Variants in CAPN3 observed in about 807,000 individuals in gnomAD.
CAPN3 encodes the protein calpain 3.
A neutral mutation model predicts 114.0 loss-of-function variants in CAPN3; 88 were observed. The observed-to-expected ratio is 0.77, with a 90% CI of 0.65 to 0.92. CAPN3 has a LOEUF of 0.92. Ranked by LOEUF, CAPN3 falls within the 40% of genes least tolerant of loss-of-function variation. The pLI is 0.00. For synonymous variants in CAPN3, 386 were observed against 382.9 expected (o/e 1.01, Z -0.09); for missense variants, 1,028 against 1,069.0 (o/e 0.96, Z 0.53).
chr15:42,406,479 G>A (rs1406716430), intron 15 of CAPN3, among the ~76,000 whole-genome samples: 2 of 152,088 alleles, frequency 1.3e-5, no homozygotes, highest in East Asian at 3.9e-4. Context: ...CACATTCCAG[G>A]CACTGTGCTT....
At chr15:42,372,916 C>T (rs28745870) in intron 1 of CAPN3, among the ~76,000 whole-genome samples, 225 of 152,112 alleles carry the variant, frequency 1.5e-3, no homozygotes, top group Middle Eastern at 6.8e-3. Flanking sequence ...CGACCAGCCA[C>T]GGTGGCTCAC....
At chr15:42,402,206 G>T (rs1029729939) in intron 12 of CAPN3, 71 bp downstream of exon 12, 3 of 1,610,286 alleles carry the variant, frequency 1.9e-6, no homozygotes, top group Non-Finnish European at 2.5e-6. Flanking sequence ...TCTGTGGCTC[G>T]TCGAGAAGCT....
At chr15:42,370,255 T>C (rs1370880896) in intron 1 of CAPN3, among the ~76,000 whole-genome samples, 1 of 152,196 alleles carries the variant, frequency 6.6e-6, no homozygotes, top group Admixed American at 6.5e-5. Context: ...TGTGCCCCAC[T>C]GCCTCTAAAA....
rs1285759505 is a variant in CAPN3, at chr15:42,394,170, C to T, written c.1030-86C>T. The T allele has an allele frequency of 7.9e-6, 10 of 1,269,732 alleles. No homozygotes were observed. In the East Asian group the frequency reaches 2.5e-4, roughly 32 times the overall value. The allele number at this position is 1,269,732 out of a possible 1,614,324, so 78.7% of individuals were successfully genotyped here. ...CACCCTCGCGTAAGAGATTTGCCCC[C>T]CAGCCCCGTCCCAGCCCTCAGCAAG... On this transcript the variant is annotated intron_variant, in intron 7 of 23. Transcript: ENST00000397163.
Position 42,390,932 on chromosome 15 carries a change from C to T in CAPN3, c.945+836C>T, listed in dbSNP as rs28364431. Among the ~76,000 whole-genome samples the T allele has an allele frequency of 8.3e-4, 126 of 151,562 alleles. 2 individuals carry two copies. The East Asian group carries it at 0.023, about 27-fold the overall frequency. ...CAGCCTCCCGACATAGCTGGGATTA[C>T]AGGCACACACCACCACACATGGCTA... On this transcript the variant is annotated intron_variant, in intron 6 of 23. Transcript: ENST00000397163.
At chr15:42,373,338 A>G (rs2053004644) in intron 1 of CAPN3, among the ~76,000 whole-genome samples, 1 of 152,236 alleles carries the variant, frequency 6.6e-6, no homozygotes, top group Non-Finnish European at 1.5e-5. Flanking sequence ...CTGTATTTTC[A>G]ACTGGCAGAC....
rs114810264 is a variant in CAPN3, at chr15:42,368,276, A to G, written c.309+8162A>G. On this transcript the variant is annotated intron_variant, in intron 1 of 23. Coordinates refer to ENST00000397163, the MANE Select transcript of CAPN3 (RefSeq NM_000070.3). The stretch of plus-strand genomic sequence containing the variant: ...CTTCTTGTTTCAGCTTTGATACTGT[A>G]AAGAATGTCCTTTTCATGACGTCTT... Among the ~76,000 whole-genome samples, 1,334 of 152,304 alleles carry G rather than the reference A, an allele frequency of 8.8e-3. 18 individuals carry two copies. Among genetic ancestry groups the G allele is most frequent in the African/African-American group, 0.031 (1,271 of 41,568 alleles).
rs753484613 is a variant in CAPN3, at chr15:42,410,402, G to C, written c.2116-26G>C. The C allele has an allele frequency of 4.3e-6, 7 of 1,611,650 alleles. No homozygotes were observed. In the East Asian group the frequency reaches 1.1e-4, roughly 26 times the overall value. ...ATCCAGGGGGATTTTGCTGTGTGCT[G>C]TGTAGCCCTGACCTCCCTCCTCCAG... On this transcript the variant is annotated intron_variant, in intron 19 of 23. Coordinates refer to ENST00000397163, the MANE Select transcript of CAPN3 (RefSeq NM_000070.3).
chr15:42,399,046 A>G (rs2053789617), intron 9 of CAPN3, among the ~76,000 whole-genome samples: 4 of 151,882 alleles, frequency 2.6e-5, no homozygotes, highest in Admixed American at 2.6e-4. Flanking sequence ...CAGCCTCCCA[A>G]AGTGCTGGGA....
rs761962422 is a variant in CAPN3, at chr15:42,401,645, T to C, written c.1359T>C (p.Thr453=). 6.2e-7 allele frequency: 1 copy of C among 1,614,178 alleles called. No individual in the cohort carries two copies. The highest frequency in any genetic ancestry group is 1.7e-5 in the Admixed American group (1 of 60,026). Residue 453 remains threonine, a synonymous_variant, in exon 11 of 24, where the codon ACT becomes ACC. Coordinates refer to ENST00000397163, the MANE Select transcript of CAPN3 (RefSeq NM_000070.3). ...SAGGCRNFPD[T]FWTNPQYRLK... ...GCTTCCTTTCTGGGGGTGCAGATAC[T>C]TTCTGGACCAACCCTCAGTACCGTC...
intron 9 of CAPN3, among the ~76,000 whole-genome samples, chr15:42,399,183 A>G (rs569931044): frequency 1.3e-5 from 2 of 152,154 alleles, no homozygotes; most frequent in East Asian, 3.9e-4. Context: ...GCCTCTGGTA[A>G]CCACTGTCTG....
intron 8 of CAPN3, among the ~76,000 whole-genome samples, chr15:42,394,726 G>A (rs1272567778): frequency 2.6e-5 from 4 of 152,204 alleles, no homozygotes; most frequent in African/African-American, 7.2e-5. Context: ...GGGCTGATAT[G>A]AGGAGTAAAT....
chr15:42,393,069 T>C (rs28364445), intron 7 of CAPN3, among the ~76,000 whole-genome samples: 1 of 152,222 alleles, frequency 6.6e-6, no homozygotes, highest in Non-Finnish European at 1.5e-5. Context: ...GCTACAGTTG[T>C]CTCTGGGTAG....
intron 1 of CAPN3, among the ~76,000 whole-genome samples, chr15:42,382,048 G>T (rs2053263931): frequency 6.6e-6 from 1 of 152,094 alleles, no homozygotes; most frequent in South Asian, 2.1e-4. Context: ...AAGTCATATT[G>T]TATATACATC....
Position 42,385,994 on chromosome 15 carries a change from G to A in CAPN3, c.380-173G>A, listed in dbSNP as rs1171883066. On this transcript the variant is annotated intron_variant, in intron 2 of 23. Transcript: ENST00000397163. ...TTGATCATATTGTCAAGGAATTCCT[G>A]TCCAATTCTCCTTCCCTGGGTTGAC... is the stretch of plus-strand genomic sequence containing the variant. 5 of 747,234 alleles carry A rather than the reference G, an allele frequency of 6.7e-6. No homozygotes were observed. In the East Asian group the frequency reaches 1.2e-4, roughly 18 times the overall value. The allele number at this position is 747,234 out of a possible 1,614,324, so 46.3% of individuals were successfully genotyped here.
chr15:42,392,871 A>G (rs1009209755), intron 7 of CAPN3, 149 bp downstream of exon 7: 1 of 637,684 alleles, frequency 1.6e-6, no homozygotes, highest in Non-Finnish European at 2.8e-6. Flanking sequence ...GCCTGGGAGC[A>G]GAGGGGCCTG....
At chr15:42,368,928 T>C (rs982604359) in intron 1 of CAPN3, among the ~76,000 whole-genome samples, 1 of 152,182 alleles carries the variant, frequency 6.6e-6, no homozygotes, top group Non-Finnish European at 1.5e-5. Context: ...GGTTTGTGCC[T>C]ATAGTCCTAG....
intron 9 of CAPN3, among the ~76,000 whole-genome samples, chr15:42,398,287 T>C (rs1390511228): frequency 6.6e-6 from 1 of 151,852 alleles, no homozygotes; most frequent in East Asian, 2.0e-4. Flanking sequence ...CCTCTAGTTA[T>C]TTTGAAAGAT....
intron 8 of CAPN3, 66 bp from the exon 9 acceptor site, chr15:42,396,734 C>G: frequency 8.1e-7 from 1 of 1,239,782 alleles, no homozygotes; most frequent in South Asian, 1.2e-5. Flanking sequence ...TCTGATACCT[C>G]CTGTCCCAAC....
Sources: allele counts gnomAD v4.1 joint callset (sites outside exome capture counted in the v4.1 genomes callset), GRCh38; gene constraint gnomAD v4.1.1; transcripts MANE v1.5; gene names NCBI Gene and HGNC (gene_info 2026-07-23, HGNC 2026-07-21).